Variants in PATL1 observed in about 807,000 individuals in gnomAD.
PATL1 encodes protein PAT1 homolog 1.
Under a neutral mutation model 100.6 loss-of-function variants are expected in PATL1, and 32 were observed. That is an observed-to-expected ratio of 0.32 (90% confidence interval 0.24 to 0.43). PATL1 has a LOEUF of 0.43. Among genes scored for constraint, PATL1 ranks in the 20% least tolerant of loss-of-function variants. The probability of loss-of-function intolerance (pLI) is 1.00; values close to 1 mark genes in which losing one functional copy is unlikely to be tolerated. For missense variants in PATL1, 747 were observed against 949.9 expected, an observed-to-expected ratio of 0.79 and a Z score of 2.81; for synonymous variants, 332 against 330.0, an observed-to-expected ratio of 1.01 and a Z score of -0.07.
chr11:59,657,524 A>G lies in PATL1; in HGVS notation c.621+6T>C, dbSNP rs907574253. On this transcript the variant is annotated splice_donor_region_variant and intron_variant, in intron 5 of 18. Transcript: ENST00000300146. ...CCTGGGCTGTGTGCTTGTTAATGAG[A>G]GGTACCTGTTGGGTGAAGCTGGGTA... 1.3e-6 allele frequency: 2 copies of G among 1,583,962 alleles called. No homozygotes were observed. Among genetic ancestry groups the G allele is most frequent in the Admixed American group, 1.7e-5 (1 of 58,576 alleles).
At chr11:59,645,666 T>A (rs1861354926) in intron 15 of PATL1, among the ~76,000 whole-genome samples, 1 of 152,112 alleles carries the variant, frequency 6.6e-6, no homozygotes, top group Admixed American at 6.5e-5. Flanking sequence ...GATCAATATA[T>A]GTTTAACACT....
chr11:59,661,724 G>GTTAA (rs1286316507), intron 2 of PATL1, among the ~76,000 whole-genome samples: 1 of 152,142 alleles, frequency 6.6e-6, no homozygotes, highest in East Asian at 1.9e-4. Context: ...CCACAGCTGT[G>GTTAA]TTAAGTTTTA....
chr11:59,659,017 GA>G, intron 3 of PATL1, 71 bp from the exon 4 acceptor site: 1 of 1,356,372 alleles, frequency 7.4e-7, no homozygotes. Flanking sequence ...TGCTGCTGGG[GA>G]ACAAGGTTCC....
rs1861245224 is a variant in PATL1, at chr11:59,639,603, A to G, written c.2050-220T>C. On this transcript the variant is annotated intron_variant, in intron 16 of 18. Coordinates refer to ENST00000300146, the MANE Select transcript of PATL1 (RefSeq NM_152716.3). Reference sequence around the variant, plus strand: ...GCCATAGCAGTGACCAGGCGCAGCCAACAGAAACGGAAAGTCATGGTGTCC... The same window carrying G: ...GCCATAGCAGTGACCAGGCGCAGCCGACAGAAACGGAAAGTCATGGTGTCC... The G allele has an allele frequency of 6.3e-6, 3 of 474,954 alleles. No individual in the cohort carries two copies. In the South Asian group the frequency reaches 8.1e-5, roughly 13 times the overall value. The allele number at this position is 474,954 out of a possible 1,614,324, so 29.4% of individuals were successfully genotyped here.
intron 11 of PATL1, 29 bp from the exon 12 acceptor site, chr11:59,651,670 AACAAAAT>A: frequency 6.9e-7 from 1 of 1,446,938 alleles, no homozygotes; most frequent in Non-Finnish European, 9.5e-7. Flanking sequence ...AAAAAATTCC[AACAAAAT>A]AAAAAGTCAG....
In PATL1 at chr11:59,666,876, T is replaced by A. The variant is rs1861697940; in HGVS notation, c.104A>T (p.Asp35Val). ...EDEEIDQFNDDTFGSGAVDDD... is the reference protein window; with the variant it reads ...EDEEIDQFNDVTFGSGAVDDD... ...ACCAACTGCACCTGACCCAAATGTA[T>A]CATCATTGAATTGATCAATCTCTTC... Residue 35 changes from aspartate (D) to valine (V), a missense_variant, in exon 2 of 19, where the codon GAT (aspartate) becomes GTT (valine). By Grantham distance (152) the Asp-to-Val change is radical. Around this residue, in one of 4 missense-constraint regions of PATL1, gnomAD observed 183 missense variants for 221.2 expected, o/e 0.83. Coordinates refer to ENST00000300146, the MANE Select transcript of PATL1 (RefSeq NM_152716.3). The A allele has an allele frequency of 6.4e-7, 1 of 1,550,398 alleles. No individual in the cohort carries two copies. Among genetic ancestry groups the A allele is most frequent in the Admixed American group, 2.0e-5 (1 of 50,890 alleles).
At chr11:59,652,729 C>T (rs1861464392) in intron 10 of PATL1, 109 bp downstream of exon 10, 1 of 1,497,184 alleles carries the variant, frequency 6.7e-7, no homozygotes, top group Non-Finnish European at 9.0e-7. Context: ...ATGCTAAGTA[C>T]CTCAAAAGAA....
At chr11:59,657,813 A>T (rs1590702397) in intron 4 of PATL1, 89 bp from the exon 5 acceptor site, 3 of 993,138 alleles carry the variant, frequency 3.0e-6, no homozygotes, top group Non-Finnish European at 4.0e-6. Context: ...ACCTTAAGAA[A>T]TTTTTTTAAC....
chr11:59,665,081 A>G (rs1432124496), intron 2 of PATL1, among the ~76,000 whole-genome samples: 3 of 152,182 alleles, frequency 2.0e-5, no homozygotes. Flanking sequence ...CCTTTCCATC[A>G]TGAGTCTAGC....
chr11:59,646,705 T>C (rs916824545), intron 15 of PATL1, among the ~76,000 whole-genome samples: 1 of 152,212 alleles, frequency 6.6e-6, no homozygotes, highest in Non-Finnish European at 1.5e-5. Flanking sequence ...TTCACTCCCA[T>C]ATATTCTACT....
chr11:59,660,605 T>C (rs916403708), intron 2 of PATL1, among the ~76,000 whole-genome samples: 3 of 152,040 alleles, frequency 2.0e-5, no homozygotes, highest in African/African-American at 7.3e-5. Context: ...TTGATGGTTT[T>C]GAGAAACGGC....
rs1861197506 is a variant in PATL1, at chr11:59,636,745, C to T, written c.*1645G>A. ...TAAGTATACAATTTGTTTTTATTTA[C>T]AATACCCTATAAAAATGTAAATTTA... On this transcript the variant is annotated 3_prime_UTR_variant, in exon 19 of 19. Transcript: ENST00000300146. 1 of 152,472 alleles carries T rather than the reference C, an allele frequency of 6.6e-6. No individual in the cohort carries two copies. The highest frequency in any genetic ancestry group is 1.9e-4 in the East Asian group (1 of 5,198). The allele number at this position is 152,472 out of a possible 1,614,324, so 9.4% of individuals were successfully genotyped here. A position where few individuals can be genotyped will look rare whatever the true frequency, so the allele number is the denominator to read the frequency against.
At chr11:59,647,609 AG>A (rs1481562888) in intron 15 of PATL1, 144 bp downstream of exon 15, 1 of 829,030 alleles carries the variant, frequency 1.2e-6, no homozygotes, top group African/African-American at 1.7e-5. Flanking sequence ...GAAATACTAA[AG>A]GTTTTGTTTT....
intron 1 of PATL1, among the ~76,000 whole-genome samples, chr11:59,668,474 G>T (rs1300616468): frequency 6.6e-6 from 1 of 152,104 alleles, no homozygotes; most frequent in African/African-American, 2.4e-5. Context: ...GTGGAGGTGG[G>T]TGGGGGGTGG....
intron 2 of PATL1, among the ~76,000 whole-genome samples, chr11:59,663,758 T>C (rs183763739): frequency 5.3e-4 from 80 of 152,266 alleles, no homozygotes; most frequent in African/African-American, 1.8e-3. Context: ...TGACCATTTG[T>C]AGCCAGTGAC....
At position 59,654,060 on chromosome 11, in the gene PATL1, T is replaced by C. The variant is rs2134751072; in HGVS notation, c.1044A>G (p.Pro348=). The C allele has an allele frequency of 6.2e-7, 1 of 1,613,666 alleles. No homozygotes were observed. Among genetic ancestry groups the C allele is most frequent in the Non-Finnish European group, 8.5e-7 (1 of 1,179,612 alleles). The change falls in exon 9 of 19, where the codon CCA becomes CCG. Residue 348 remains proline (P), a synonymous_variant. Coordinates refer to ENST00000300146, the MANE Select transcript of PATL1 (RefSeq NM_152716.3). ...PHLQNLRSQA[P]MFRPDTTHLH... is the part of the protein sequence containing the mutation. ...GGTGAGTTGTGTCCGGTCTAAACATTGGGGCCTGAGATCTAAGAAAAACGG... is the reference window on the plus strand; with the variant it reads ...GGTGAGTTGTGTCCGGTCTAAACATCGGGGCCTGAGATCTAAGAAAAACGG...
chr11:59,668,279 C>CCGG (rs1272149356), intron 1 of PATL1, among the ~76,000 whole-genome samples: 1 of 152,138 alleles, frequency 6.6e-6, no homozygotes, highest in Admixed American at 6.5e-5. Context: ...TGCTACATTC[C>CCGG]CGGCACCTTC....
intron 15 of PATL1, among the ~76,000 whole-genome samples, chr11:59,645,706 T>C (rs191301308): frequency 2.0e-5 from 3 of 152,268 alleles, no homozygotes; most frequent in African/African-American, 7.2e-5. Flanking sequence ...TTGATATATT[T>C]CAATCTACTG....
chr11:59,665,188 A>G (rs1171505426), intron 2 of PATL1, among the ~76,000 whole-genome samples: 2 of 152,154 alleles, frequency 1.3e-5, no homozygotes, highest in Admixed American at 6.5e-5. Flanking sequence ...AAACACCTTC[A>G]TTTTTGCCAG....
Sources: gnomAD v4.1 joint callset for allele counts (sites outside exome capture counted in the v4.1 genomes callset) on GRCh38, gnomAD v4.1.1 for gene constraint, gnomAD v4.1.1 regional missense constraint, MANE v1.5 for transcripts, NCBI Gene and HGNC (gene_info 2026-07-23, HGNC 2026-07-21) for gene names.